Variants in CCDC66 observed in about 807,000 individuals in gnomAD.
CCDC66 encodes coiled-coil domain containing 66.
Under a neutral mutation model 128.3 loss-of-function variants are expected in CCDC66, and 133 were observed. The observed-to-expected ratio is 1.04, with a 90% CI of 0.90 to 1.20. The LOEUF (loss-of-function observed/expected upper bound fraction) is 1.20. Among genes scored for constraint, CCDC66 ranks in the 50% most tolerant of loss-of-function variants. CCDC66 has a pLI of 0.00. For missense variants in CCDC66, 1,126 were observed against 1,075.5 expected (o/e 1.05, Z -0.66); for synonymous variants, 387 against 357.0 (o/e 1.08, Z -0.95).
chr3:56,615,178 A>G lies in CCDC66; in HGVS notation c.1617A>G (p.Ala539=), dbSNP rs147405993. ...TNELFQTMQR[A]QELAQRLKQE... is the part of the protein sequence containing the mutation. ...AGCTATTCCAGACAATGCAGCGAGC[A>G]CAGGAACTGGCACAGAGACTAAAAC... The change falls in exon 12 of 18, where the codon GCA becomes GCG. Residue 539 remains alanine (A), a synonymous_variant. Coordinates refer to ENST00000394672, the MANE Select transcript of CCDC66 (RefSeq NM_001141947.3). 1.1e-3 allele frequency: 1,736 copies of G among 1,614,170 alleles called. 2 individuals carry two copies. Among genetic ancestry groups the G allele is most frequent in the Non-Finnish European group, 1.3e-3 (1,544 of 1,180,000 alleles).
rs201070977 is a variant in CCDC66 at position 56,566,707 on chromosome 3, G to A, written c.658G>A (p.Val220Ile). Residue 220 changes from valine (V) to isoleucine (I), a missense_variant, in exon 5 of 18, where the codon GTC (valine) becomes ATC (isoleucine). Coordinates refer to ENST00000394672, the MANE Select transcript of CCDC66 (RefSeq NM_001141947.3). ...ATCTGTCCCAGCTGAAAATAAATCTGTCTTAAATGAACATCAGGAGACATC... is the reference window on the plus strand; with the variant it reads ...ATCTGTCCCAGCTGAAAATAAATCTATCTTAAATGAACATCAGGAGACATC... ...VSSVPAENKS[V>I]LNEHQETSKQ... 1.2e-6 allele frequency: 2 copies of A among 1,613,856 alleles called. No homozygotes were observed. Among genetic ancestry groups the A allele is most frequent in the Admixed American group, 1.7e-5 (1 of 59,994 alleles).
Position 56,593,955 on chromosome 3 carries a change from C to A in CCDC66, c.1331C>A (p.Ser444Tyr). The A allele has an allele frequency of 6.2e-7, 1 of 1,614,174 alleles. No homozygotes were observed. Among genetic ancestry groups the A allele is most frequent in the Non-Finnish European group, 8.5e-7 (1 of 1,180,004 alleles). Reference protein sequence around the residue: ...ANSKKTNFLRSMTALLDPAQI... With the variant: ...ANSKKTNFLRYMTALLDPAQI... ...ATGTATCTTGCCAGCTTTCTCCGTT[C>A]TATGACTGCTCTCTTGGACCCAGCT... Residue 444 changes from serine (S) to tyrosine (Y), a missense_variant, in exon 10 of 18, where the codon TCT becomes TAT. By Grantham distance (144) the Ser-to-Tyr change is moderately radical. Transcript: ENST00000394672.
intron 10 of CCDC66, among the ~76,000 whole-genome samples, chr3:56,608,671 C>G (rs140082617): frequency 6.6e-6 from 1 of 152,208 alleles, no homozygotes; most frequent in Admixed American, 6.5e-5. Flanking sequence ...TCTTGTTTCT[C>G]CATTTCCTTG....
intron 7 of CCDC66, among the ~76,000 whole-genome samples, chr3:56,587,917 T>C (rs2070106559): frequency 6.6e-6 from 1 of 152,194 alleles, no homozygotes; most frequent in Admixed American, 6.5e-5. Flanking sequence ...AGAACTACCA[T>C]TTGATTCAGC....
intron 10 of CCDC66, among the ~76,000 whole-genome samples, chr3:56,605,117 C>T (rs1026898153): frequency 3.9e-5 from 6 of 151,966 alleles, no homozygotes; most frequent in African/African-American, 1.5e-4. Context: ...TTTTCAGCTC[C>T]GTCAGGTCAT....
At chr3:56,562,747 T>G (rs1319998878) in intron 3 of CCDC66, among the ~76,000 whole-genome samples, 1 of 151,940 alleles carries the variant, frequency 6.6e-6, no homozygotes, top group Non-Finnish European at 1.5e-5. Flanking sequence ...CAAGCGATTC[T>G]CTTGCCTCAG....
At chr3:56,609,982 G>A (rs1372314069) in intron 10 of CCDC66, among the ~76,000 whole-genome samples, 2 of 152,162 alleles carry the variant, frequency 1.3e-5, no homozygotes, top group Admixed American at 6.5e-5. Context: ...GTTACCTGGT[G>A]CTTCTGTCTC....
chr3:56,566,463 C>T, intron 4 of CCDC66, 131 bp from the exon 5 acceptor site: 1 of 560,574 alleles, frequency 1.8e-6, no homozygotes, highest in Non-Finnish European at 3.0e-6. Flanking sequence ...AACTTAATGG[C>T]TACCTCAAGG....
chr3:56,590,708 G>A (rs774672715), intron 7 of CCDC66, among the ~76,000 whole-genome samples: 2 of 151,822 alleles, frequency 1.3e-5, no homozygotes, highest in African/African-American at 4.8e-5. Flanking sequence ...GCAGTGAGCC[G>A]TGATTGTGCA....
rs776454639 is a variant in CCDC66, at chr3:56,593,592, G to A, written c.1170G>A (p.Glu390=). The stretch of plus-strand genomic sequence containing the variant: ...CTCAGTCAACACACAAACAACCTGA[G>A]TACTTCTGTGTCTCTCCTGACACTC... The part of the protein sequence containing the change: ...LFSQSTHKQP[E]YFCVSPDTQE... Residue 390 remains glutamate (E), a synonymous_variant, in exon 9 of 18, where the codon GAG becomes GAA. Coordinates refer to ENST00000394672, the MANE Select transcript of CCDC66 (RefSeq NM_001141947.3). 1.2e-6 allele frequency: 2 copies of A among 1,614,196 alleles called. No individual in the cohort carries two copies. The highest frequency in any genetic ancestry group is 4.5e-5 in the East Asian group (2 of 44,888).
intron 3 of CCDC66, among the ~76,000 whole-genome samples, chr3:56,562,784 G>A (rs2065265547): frequency 6.6e-6 from 1 of 151,270 alleles, no homozygotes. Context: ...GATTACAGGA[G>A]CCCACCACCA....
intron 14 of CCDC66, chr3:56,617,906 CA>C (rs1160160076): frequency 5.8e-5 from 33 of 569,442 alleles, no homozygotes; most frequent in Middle Eastern, 4.6e-4. Flanking sequence ...TTTACACTTA[CA>C]CAACTTCTGT....
At chr3:56,598,174 GTTTGTTTT>G (rs2072476077) in intron 10 of CCDC66, among the ~76,000 whole-genome samples, 1 of 143,018 alleles carries the variant, frequency 7.0e-6, no homozygotes, top group African/African-American at 2.5e-5. Context: ...TTGTTTGTTT[GTTTGTTTT>G]GAGACAGCTC....
At chr3:56,598,023 G>A (rs962973120) in intron 10 of CCDC66, among the ~76,000 whole-genome samples, 34 of 151,686 alleles carry the variant, frequency 2.2e-4, no homozygotes, top group Non-Finnish European at 3.1e-4. Flanking sequence ...TGATCCACCC[G>A]CCTTGGCCTC....
chr3:56,586,015 A>T (rs1046261431), intron 7 of CCDC66, among the ~76,000 whole-genome samples: 2 of 151,884 alleles, frequency 1.3e-5, no homozygotes, highest in African/African-American at 4.8e-5. Context: ...TTAAAAGACT[A>T]GTACATACAT....
intron 7 of CCDC66, among the ~76,000 whole-genome samples, chr3:56,589,229 AT>A (rs1261594470): frequency 6.6e-6 from 1 of 152,190 alleles, no homozygotes; most frequent in Non-Finnish European, 1.5e-5. Flanking sequence ...AAAAACATAG[AT>A]TACTAAAATT....
rs190443260 is a variant in CCDC66 at position 56,602,610 on chromosome 3, C to T, written c.1404+8582C>T. Among the ~76,000 whole-genome samples the T allele has an allele frequency of 3.1e-3, 477 of 152,028 alleles. 6 individuals carry two copies. Among genetic ancestry groups the T allele is most frequent in the African/African-American group, 0.011 (453 of 41,378 alleles). On this transcript the variant is annotated intron_variant, in intron 10 of 17. Transcript: ENST00000394672. ...TGCTGTGAATCCGTCTGGTCCTGGA[C>T]TTCTTTTGGTTGGTAGGCTATTAAT...
intron 10 of CCDC66, among the ~76,000 whole-genome samples, chr3:56,597,776 G>GTTTTTT (rs753875788): frequency 0.076 from 4,691 of 61,548 alleles, 822 homozygotes; most frequent in Non-Finnish European, 0.095. Context: ...TTTGTTTTGG[G>GTTTTTT]GTTTTTTTTT....
At chr3:56,568,711 A>G (rs953955505) in intron 6 of CCDC66, among the ~76,000 whole-genome samples, 1 of 152,240 alleles carries the variant, frequency 6.6e-6, no homozygotes, top group African/African-American at 2.4e-5. Context: ...TTAAATAACC[A>G]AAACATTCTA....
Sources: gnomAD v4.1 joint callset for allele counts (sites outside exome capture counted in the v4.1 genomes callset) on GRCh38, gnomAD v4.1.1 for gene constraint, MANE v1.5 for transcripts, NCBI Gene and HGNC (gene_info 2026-07-23, HGNC 2026-07-21) for gene names.